The following CYTH1 variants were observed in gnomAD, a reference collection of about 807,000 sequenced individuals.
CYTH1 encodes the protein cytohesin 1.
Under a neutral mutation model 61.8 loss-of-function variants are expected in CYTH1, and 18 were observed. The observed-to-expected ratio is 0.29, with a 90% CI of 0.20 to 0.43. The LOEUF (loss-of-function observed/expected upper bound fraction) is 0.43. Among genes scored for constraint, CYTH1 ranks in the 20% least tolerant of loss-of-function variants. CYTH1 has a pLI of 1.00. For synonymous variants in CYTH1, 174 were observed against 184.3 expected, an observed-to-expected ratio of 0.94 and a Z score of 0.45; for missense variants, 336 against 510.5, an observed-to-expected ratio of 0.66 and a Z score of 3.29.
At chr17:78,781,725 G>A (rs2093518843) in intron 1 of CYTH1, among the ~76,000 whole-genome samples, 1 of 151,736 alleles carries the variant, frequency 6.6e-6, no homozygotes, top group African/African-American at 2.4e-5. Context: ...CCGGCCATCC[G>A]CGCGTCCGCC....
At position 78,755,491 on chromosome 17, in the gene CYTH1, T is replaced by TAA. The variant is rs3073742; in HGVS notation, c.22+26709_22+26710dup. Among the ~76,000 whole-genome samples, 5 of 129,844 alleles carry TAA rather than the reference T, an allele frequency of 3.9e-5. 1 individual carries two copies. The highest frequency in any genetic ancestry group is 5.9e-5 in the African/African-American group (2 of 33,676). The allele number at this position is 129,844 out of a possible 152,430, so 85.2% of individuals were successfully genotyped here. A position where few individuals can be genotyped will look rare whatever the true frequency, so the allele number is the denominator to read the frequency against. On this transcript the variant is annotated intron_variant, in intron 1 of 13. Coordinates refer to ENST00000446868, the MANE Select transcript of CYTH1 (RefSeq NM_004762.6). ...GTATGATGTTGGCAGTGGGTTTATT[T>TAA]AAAAAAAAAAAAAAGGAAAGAAAGC... is the stretch of plus-strand genomic sequence containing the variant.
chr17:78,722,681 T>G (rs992427839), intron 1 of CYTH1, among the ~76,000 whole-genome samples: 2 of 152,198 alleles, frequency 1.3e-5, no homozygotes, highest in Non-Finnish European at 2.9e-5. Flanking sequence ...TTGCTAGCCC[T>G]TTGTAATGCT....
At chr17:78,738,192 T>C (rs2093328726) in intron 1 of CYTH1, among the ~76,000 whole-genome samples, 1 of 152,216 alleles carries the variant, frequency 6.6e-6, no homozygotes, top group Admixed American at 6.5e-5. Flanking sequence ...ATAACATTTA[T>C]TGCATGCTTA....
At chr17:78,762,297 T>A (rs1433801949) in intron 1 of CYTH1, among the ~76,000 whole-genome samples, 1 of 152,154 alleles carries the variant, frequency 6.6e-6, no homozygotes, top group Non-Finnish European at 1.5e-5. Flanking sequence ...AAAGGGCGGC[T>A]TTTTTGCACA....
intron 3 of CYTH1, among the ~76,000 whole-genome samples, chr17:78,705,553 T>A (rs1486984048): frequency 6.6e-6 from 1 of 152,108 alleles, no homozygotes; most frequent in Non-Finnish European, 1.5e-5. Flanking sequence ...GTATTTAGGA[T>A]CATTCCTACA....
chr17:78,726,051 T>C (rs2093264828), intron 1 of CYTH1, among the ~76,000 whole-genome samples: 1 of 150,522 alleles, frequency 6.6e-6, no homozygotes, highest in Non-Finnish European at 1.5e-5. Flanking sequence ...TCTTTTTTTT[T>C]TTTTTTTTTT....
chr17:78,777,529 A>G (rs1032447616), intron 1 of CYTH1, among the ~76,000 whole-genome samples: 3 of 152,220 alleles, frequency 2.0e-5, no homozygotes, highest in African/African-American at 4.8e-5. Flanking sequence ...AATACAAAAG[A>G]GTACTGGAAC....
At chr17:78,698,032 A>C (rs1235816275) in intron 9 of CYTH1, among the ~76,000 whole-genome samples, 2 of 152,220 alleles carry the variant, frequency 1.3e-5, no homozygotes, top group African/African-American at 4.8e-5. Flanking sequence ...CTTTGTTAGA[A>C]CAGAACTCAT....
At chr17:78,690,762 T>A (rs991497122) in intron 11 of CYTH1, among the ~76,000 whole-genome samples, 1 of 152,158 alleles carries the variant, frequency 6.6e-6, no homozygotes, top group Admixed American at 6.5e-5. Context: ...CTTTGCTGAA[T>A]AAATATTGCT....
intron 7 of CYTH1, among the ~76,000 whole-genome samples, chr17:78,699,593 C>T (rs1399070304): frequency 2.6e-5 from 4 of 152,064 alleles, no homozygotes; most frequent in Admixed American, 6.5e-5. Flanking sequence ...ACCCATAATC[C>T]CACTATCTAG....
intron 1 of CYTH1, among the ~76,000 whole-genome samples, chr17:78,734,017 A>G (rs2093308110): frequency 6.6e-6 from 1 of 152,206 alleles, no homozygotes; most frequent in African/African-American, 2.4e-5. Flanking sequence ...TGGGAGGCCA[A>G]GGTGGGTGGA....
intron 11 of CYTH1, chr17:78,691,226 T>C (rs1368510322): frequency 2.0e-5 from 3 of 152,248 alleles, no homozygotes; most frequent in Non-Finnish European, 2.9e-5. Context: ...TGATTTACTA[T>C]CCTCAGTCAC....
intron 1 of CYTH1, among the ~76,000 whole-genome samples, chr17:78,768,632 T>C (rs2093458275): frequency 6.6e-6 from 1 of 152,132 alleles, no homozygotes; most frequent in Non-Finnish European, 1.5e-5. Context: ...TCACTGGTCC[T>C]GTATTTTTTC....
chr17:78,770,464 G>A (rs558017558), intron 1 of CYTH1, among the ~76,000 whole-genome samples: 1 of 151,970 alleles, frequency 6.6e-6, no homozygotes, highest in African/African-American at 2.4e-5. Flanking sequence ...TGTCACCCAG[G>A]CGGGAGTGCA....
At chr17:78,711,310 TATATACACACAC>T (rs1367541788) in intron 1 of CYTH1, among the ~76,000 whole-genome samples, 2 of 143,698 alleles carry the variant, frequency 1.4e-5, no homozygotes, top group Non-Finnish European at 1.5e-5. Flanking sequence ...ATAATATATA[TATATACACACAC>T]ACACACACAC....
chr17:78,702,734 G>A (rs2093025075), intron 3 of CYTH1, 130 bp from the exon 4 acceptor site: 1 of 975,292 alleles, frequency 1.0e-6, no homozygotes, highest in Non-Finnish European at 1.6e-6. Context: ...GCATAATCTG[G>A]TGGAACTATG....
chr17:78,714,713 A>G (rs542754385), intron 1 of CYTH1, among the ~76,000 whole-genome samples: 5 of 152,286 alleles, frequency 3.3e-5, no homozygotes, highest in Non-Finnish European at 7.4e-5. Flanking sequence ...CCCTGCCCAC[A>G]AGGCCCAGCC....
In CYTH1 at chr17:78,692,497, C is replaced by A. The variant is rs8065203; in HGVS notation, c.815-4G>T. The A allele has an allele frequency of 1.6e-3, 2,514 of 1,613,732 alleles. 42 individuals are homozygous for A. The African/African-American group carries it at 0.029, about 19-fold the overall frequency. On this transcript the variant is annotated splice_region_variant and splice_polypyrimidine_tract_variant and intron_variant, in intron 10 of 13. Coordinates refer to ENST00000446868, the MANE Select transcript of CYTH1 (RefSeq NM_004762.6). ...TTCCAAGTCTTTACCCTGCCACCTG[C>A]AGAGCAAAAAGAGATGCACGTTCGA...
Position 78,674,384 on chromosome 17 carries a change from C to G in CYTH1, c.*1707G>C, listed in dbSNP as rs535440544. 1 of 152,312 alleles carries G rather than the reference C, an allele frequency of 6.6e-6. No homozygotes were observed. The highest frequency in any genetic ancestry group is 1.5e-5 in the Non-Finnish European group (1 of 68,104). 9.4% of individuals were successfully genotyped at this position (152,312 alleles called of 1,614,324 possible). ...CACCGGCCCAAACACGCCCAGACCT[C>G]GGCAGGCACCACCTGGTTCTCCCAC... On this transcript the variant is annotated 3_prime_UTR_variant, in exon 14 of 14. Transcript: ENST00000446868.
Sources: gnomAD v4.1 joint callset for allele counts (sites outside exome capture counted in the v4.1 genomes callset) on GRCh38, gnomAD v4.1.1 for gene constraint, MANE v1.5 for transcripts, NCBI Gene and HGNC (gene_info 2026-07-23, HGNC 2026-07-21) for gene names.